CA12: variants seen among roughly 807,000 people sequenced by gnomAD.
The protein encoded by CA12 is carbonate dehydratase XII.
Under a neutral mutation model 46.8 loss-of-function variants are expected in CA12, and 36 were observed. The observed-to-expected ratio is 0.77, with a 90% CI of 0.59 to 1.02. The LOEUF is 1.02. CA12 is among the 50% of genes least tolerant of loss of function. CA12 has a pLI of 0.00. For synonymous variants in CA12, 202 were observed against 187.0 expected, an observed-to-expected ratio of 1.08 and a Z score of -0.65; for missense variants, 436 against 451.4, an observed-to-expected ratio of 0.97 and a Z score of 0.31.
chr15:63,371,017 A>C (rs1022591142), intron 2 of CA12, among the ~76,000 whole-genome samples: 1 of 152,118 alleles, frequency 6.6e-6, no homozygotes, highest in Non-Finnish European at 1.5e-5. Context: ...CCTGCTTTTT[A>C]TATTGCAATT....
At chr15:63,376,921 G>T (rs1051120815) in intron 1 of CA12, among the ~76,000 whole-genome samples, 5 of 152,138 alleles carry the variant, frequency 3.3e-5, no homozygotes, top group African/African-American at 1.2e-4. Context: ...GGGATTACAG[G>T]TGTGAGCCAC....
chr15:63,344,021 A>G (rs2039115054), intron 4 of CA12, among the ~76,000 whole-genome samples: 1 of 152,246 alleles, frequency 6.6e-6, no homozygotes, highest in South Asian at 2.1e-4. Context: ...ATGTAAATGG[A>G]TAACTTATCT....
rs531051599 is a variant in CA12 at position 63,355,967 on chromosome 15, G to A, written c.107-9258C>T. ...CTGAACAGAAAGGACTACAGATACC[G>A]TCTTTTTCATGCACTGTTATATGCA... is the stretch of plus-strand genomic sequence containing the variant. On this transcript the variant is annotated intron_variant, in intron 2 of 10. Transcript: ENST00000178638. This position sits in a 1 kb window ranked among gnomAD's most constrained non-coding sequence, Gnocchi z 4.1. Among the ~76,000 whole-genome samples, 27 of 152,282 alleles carry A rather than the reference G, an allele frequency of 1.8e-4. No homozygotes were observed. In the South Asian group the frequency reaches 5.0e-3, roughly 28 times the overall value.
At chr15:63,351,393 T>C (rs988212592) in intron 2 of CA12, among the ~76,000 whole-genome samples, 3 of 152,194 alleles carry the variant, frequency 2.0e-5, no homozygotes, top group Non-Finnish European at 2.9e-5. Flanking sequence ...TAGCCTGGCT[T>C]GGGTGGCACC....
At chr15:63,369,422 C>A (rs958673411) in intron 2 of CA12, among the ~76,000 whole-genome samples, 2 of 152,174 alleles carry the variant, frequency 1.3e-5, no homozygotes, top group African/African-American at 4.8e-5. Flanking sequence ...CCTGTGTGAG[C>A]CTCTCTCCAT....
At chr15:63,357,588 TGTG>T (rs1171650014) in intron 2 of CA12, among the ~76,000 whole-genome samples, 2 of 152,186 alleles carry the variant, frequency 1.3e-5, no homozygotes, top group Non-Finnish European at 2.9e-5. Context: ...CTGAAGGCCT[TGTG>T]GTTCTTGTGA....
At chr15:63,362,960 T>C (rs1341299890) in intron 2 of CA12, among the ~76,000 whole-genome samples, 1 of 152,212 alleles carries the variant, frequency 6.6e-6, no homozygotes, top group East Asian at 1.9e-4. Context: ...CGACTAGCTA[T>C]GTGACCTAGG....
chr15:63,354,273 GT>G (rs138132381), intron 2 of CA12, among the ~76,000 whole-genome samples: 5,852 of 152,220 alleles, frequency 0.038, 145 homozygotes, highest in Non-Finnish European at 0.056. Flanking sequence ...GAAGGGGAGG[GT>G]TACTTGTTAT....
At chr15:63,363,093 C>A (rs527445507) in intron 2 of CA12, among the ~76,000 whole-genome samples, 2 of 152,336 alleles carry the variant, frequency 1.3e-5, no homozygotes, top group East Asian at 3.9e-4. Context: ...TAGACTCTTA[C>A]GCACGCTGGG....
chr15:63,335,839 AG>A (rs770913011), intron 8 of CA12, among the ~76,000 whole-genome samples: 10 of 152,168 alleles, frequency 6.6e-5, no homozygotes, highest in Admixed American at 1.3e-4. Flanking sequence ...TTACAGTCTG[AG>A]GCCTGCTCCG....
At chr15:63,357,504 G>A (rs1194411894) in intron 2 of CA12, among the ~76,000 whole-genome samples, 5 of 152,134 alleles carry the variant, frequency 3.3e-5, no homozygotes, top group Admixed American at 3.3e-4. Flanking sequence ...GGTGGGAGGT[G>A]CTTTAAAAAA....
Position 63,372,845 on chromosome 15 carries a change from A to G in CA12, c.106+2813T>C, listed in dbSNP as rs931207551. 6.6e-6 allele frequency among the ~76,000 whole-genome samples: 1 copy of G among 152,190 alleles called. No homozygotes were observed. The highest frequency in any genetic ancestry group is 2.4e-5 in the African/African-American group (1 of 41,440). Reference sequence around the variant, plus strand: ...CCACATCACACATGCCCATGTCACTAATAAAAACCAGACTTGCCTTTGTGC... The same window carrying G: ...CCACATCACACATGCCCATGTCACTGATAAAAACCAGACTTGCCTTTGTGC... On this transcript the variant is annotated intron_variant, in intron 2 of 10. Coordinates refer to ENST00000178638, the MANE Select transcript of CA12 (RefSeq NM_001218.5). This position sits in a 1 kb window ranked among gnomAD's most constrained non-coding sequence, Gnocchi z 4.5.
At chr15:63,364,929 C>T (rs1244567601) in intron 2 of CA12, among the ~76,000 whole-genome samples, 1 of 152,268 alleles carries the variant, frequency 6.6e-6, no homozygotes, top group East Asian at 1.9e-4. Flanking sequence ...GTCTTCCTAG[C>T]AACTGCACTG....
At chr15:63,370,309 G>T (rs1461158250) in intron 2 of CA12, among the ~76,000 whole-genome samples, 1 of 151,348 alleles carries the variant, frequency 6.6e-6, no homozygotes, top group Non-Finnish European at 1.5e-5. Context: ...TTAAAAATTA[G>T]CCTGGCATGG....
chr15:63,371,004 C>T (rs2039498336), intron 2 of CA12, among the ~76,000 whole-genome samples: 1 of 152,116 alleles, frequency 6.6e-6, no homozygotes, highest in African/African-American at 2.4e-5. Context: ...GCTCTCACTG[C>T]AGCCTGCTTT....
chr15:63,377,121 C>A (rs540698316), intron 1 of CA12, among the ~76,000 whole-genome samples: 7 of 152,314 alleles, frequency 4.6e-5, no homozygotes, highest in South Asian at 2.1e-4. Context: ...GTCTTTTTCA[C>A]AAGTGCAGAG....
chr15:63,340,942 G>A lies in CA12; in HGVS notation c.526-159C>T, dbSNP rs1233511083. ...TTATGATGGATCACTAGGCTCTTGG[G>A]AGTTAGTGTAATGGTCCTGCCTCTT... On this transcript the variant is annotated intron_variant, in intron 5 of 10. Transcript: ENST00000178638. The surrounding 1 kb of genome is among the most constrained non-coding windows in gnomAD (Gnocchi z 4.4). Among the ~76,000 whole-genome samples, 1 of 152,194 alleles carries A rather than the reference G, an allele frequency of 6.6e-6. No individual in the cohort carries two copies. The highest frequency in any genetic ancestry group is 1.5e-5 in the Non-Finnish European group (1 of 68,032).
At chr15:63,356,048 A>G (rs1298045824) in intron 2 of CA12, among the ~76,000 whole-genome samples, 1 of 152,238 alleles carries the variant, frequency 6.6e-6, no homozygotes, top group Non-Finnish European at 1.5e-5. Flanking sequence ...AGTGTTGACC[A>G]TCAGAAACAT....
chr15:63,340,554 T>C lies in CA12; in HGVS notation c.590-109A>G. On this transcript the variant is annotated intron_variant, in intron 6 of 10. Coordinates refer to ENST00000178638, the MANE Select transcript of CA12 (RefSeq NM_001218.5). The surrounding 1 kb of genome is among the most constrained non-coding windows in gnomAD (Gnocchi z 4.4). ...AAACATGAACTAGCCCCTTTCAGGG[T>C]CATCTAACCCCAGGACCTGGTTGCA... 6.7e-7 allele frequency: 1 copy of C among 1,487,466 alleles called. No homozygotes were observed. The highest frequency in any genetic ancestry group is 9.4e-7 in the Non-Finnish European group (1 of 1,065,636). The allele number at this position is 1,487,466 out of a possible 1,614,324, so 92.1% of individuals were successfully genotyped here. A position where few individuals can be genotyped will look rare whatever the true frequency, so the allele number is the denominator to read the frequency against.
Sources: gnomAD v4.1 joint callset for allele counts (sites outside exome capture counted in the v4.1 genomes callset) on GRCh38, gnomAD v4.1.1 for gene constraint, Gnocchi (gnomAD v3.1) non-coding constraint, MANE v1.5 for transcripts, NCBI Gene and HGNC (gene_info 2026-07-23, HGNC 2026-07-21) for gene names.